The following ZBTB40 variants were observed in gnomAD, a reference collection of about 807,000 sequenced individuals.
The protein encoded by ZBTB40 is zinc finger and BTB domain-containing protein 40.
Under a neutral mutation model 117.5 loss-of-function variants are expected in ZBTB40, and 60 were observed. The observed-to-expected ratio is 0.51, with a 90% CI of 0.41 to 0.63. ZBTB40 has a LOEUF of 0.63. ZBTB40 is among the 30% of genes least tolerant of loss of function. ZBTB40 has a pLI of 0.00. For missense variants in ZBTB40, 1,287 were observed against 1,498.5 expected (o/e 0.86, Z 2.33); for synonymous variants, 525 against 577.1 (o/e 0.91, Z 1.29).
In ZBTB40 at chr1:22,520,081, T is replaced by A. The variant is rs1303614760; in HGVS notation, c.2854T>A (p.Cys952Ser). Reference sequence around the variant, plus strand: ...ACTAGACATAGAAGATCCTTATGACTGCAAGAAGTGCAGGATGAGTTTCCC... The same window carrying A: ...ACTAGACATAGAAGATCCTTATGACAGCAAGAAGTGCAGGATGAGTTTCCC... Reference protein sequence around the residue: ...TFHNIEDPYDCKKCRMSFPTL... With the variant: ...TFHNIEDPYDSKKCRMSFPTL... Residue 952 changes from cysteine (C) to serine (S), a missense_variant, in exon 14 of 18, where the codon TGC (cysteine) becomes AGC (serine). Transcript: ENST00000375647. 1 of 1,614,230 alleles carries A rather than the reference T, an allele frequency of 6.2e-7. No homozygotes were observed. Among genetic ancestry groups the A allele is most frequent in the Non-Finnish European group, 8.5e-7 (1 of 1,180,036 alleles).
Position 22,451,995 on chromosome 1 carries a change from T to G in ZBTB40, c.-79T>G, listed in dbSNP as rs763057000. 3 of 152,990 alleles carry G rather than the reference T, an allele frequency of 2.0e-5. No homozygotes were observed. The highest frequency in any genetic ancestry group is 2.0e-4 in the Admixed American group (3 of 15,308). The allele number at this position is 152,990 out of a possible 1,614,324, so 9.5% of individuals were successfully genotyped here. On this transcript the variant is annotated 5_prime_UTR_variant, in exon 1 of 18. Coordinates refer to ENST00000375647, the MANE Select transcript of ZBTB40 (RefSeq NM_014870.4). ...AATAAAGAACGGCAGTTTGAATCGGTGCTGAACAGGTAACCATAGAAACGG... is the reference window on the plus strand; with the variant it reads ...AATAAAGAACGGCAGTTTGAATCGGGGCTGAACAGGTAACCATAGAAACGG...
intron 1 of ZBTB40, among the ~76,000 whole-genome samples, chr1:22,434,287 A>T (rs778519045): frequency 2.6e-4 from 39 of 152,098 alleles, no homozygotes; most frequent in Non-Finnish European, 5.1e-4. Context: ...CATTTTTCTA[A>T]GATTTTGAAG....
intron 2 of ZBTB40, 152 bp from the exon 3 acceptor site, chr1:22,491,248 G>T: frequency 1.3e-6 from 1 of 770,828 alleles, no homozygotes; most frequent in Non-Finnish European, 2.1e-6. Context: ...GAAGCTGTGA[G>T]AGATACTGTT....
At chr1:22,461,433 C>T (rs1296710819) in intron 1 of ZBTB40, among the ~76,000 whole-genome samples, 1 of 151,650 alleles carries the variant, frequency 6.6e-6, no homozygotes, top group Admixed American at 6.6e-5. Context: ...TAGGCTCTTT[C>T]CCAACATTAA....
chr1:22,472,886 T>C (rs189702584), intron 1 of ZBTB40, among the ~76,000 whole-genome samples: 21 of 152,304 alleles, frequency 1.4e-4, no homozygotes, highest in African/African-American at 5.1e-4. Flanking sequence ...CTGGAATGCA[T>C]TCCAAAAGAG....
At chr1:22,430,856 A>G (rs1167992320) in intron 1 of ZBTB40, among the ~76,000 whole-genome samples, 2 of 151,986 alleles carry the variant, frequency 1.3e-5, no homozygotes, top group African/African-American at 4.8e-5. Flanking sequence ...CTTTTTTGTT[A>G]TTAGTTCCCA....
At position 22,513,046 on chromosome 1, in the gene ZBTB40, C is replaced by T. The variant is rs1233488955; in HGVS notation, c.2584C>T (p.Arg862Cys). The change falls in exon 12 of 18, where the codon CGC (arginine) becomes TGC (cysteine). Residue 862 changes from arginine to cysteine, a missense_variant. This residue lies in a region of ZBTB40 where 417 missense variants were observed against 564.1 expected (regional missense o/e 0.74). Coordinates refer to ENST00000375647, the MANE Select transcript of ZBTB40 (RefSeq NM_014870.4). This position sits in a 1 kb window ranked among gnomAD's most constrained non-coding sequence, Gnocchi z 4.9. ...KNHLRLHTGD[R>C]PFMCKHCLMT... is the part of the protein sequence containing the mutation. ...CCACCTTCGCCTTCACACCGGGGAC[C>T]GCCCGTTCATGTGCAAGCACTGCCT... 1.1e-5 allele frequency: 17 copies of T among 1,614,172 alleles called. No individual in the cohort carries two copies. Among genetic ancestry groups the T allele is most frequent in the East Asian group, 2.2e-5 (1 of 44,876 alleles).
chr1:22,456,929 C>T (rs1641017782), intron 1 of ZBTB40, among the ~76,000 whole-genome samples: 2 of 152,206 alleles, frequency 1.3e-5, no homozygotes, highest in Non-Finnish European at 2.9e-5. Flanking sequence ...GCATCAGCTT[C>T]TTGCAGATGG....
At chr1:22,506,301 A>T (rs1193520234) in intron 6 of ZBTB40, 60 bp downstream of exon 6, 4 of 1,563,328 alleles carry the variant, frequency 2.6e-6, no homozygotes, top group Admixed American at 1.7e-5. Context: ...TTGTAGCTTG[A>T]AACACCCTTT....
At chr1:22,522,320 C>G in intron 15 of ZBTB40, 57 bp from the exon 16 acceptor site, 1 of 1,574,130 alleles carries the variant, frequency 6.4e-7, no homozygotes, top group African/African-American at 1.3e-5. Context: ...ACTCTTCAGC[C>G]TTGGAGAGCC....
chr1:22,477,227 C>CT lies in ZBTB40; in HGVS notation c.-69-12652dup, dbSNP rs142850718. Among the ~76,000 whole-genome samples, 873 of 152,172 alleles carry CT rather than the reference C, an allele frequency of 5.7e-3. 6 individuals are homozygous for CT. The highest frequency in any genetic ancestry group is 0.02 in the African/African-American group (843 of 41,514). ...GTTTATTTACAGATAAATACTTAAG[C>CT]TATCAAGTCAGATGGCTAGTTTCAA... On this transcript the variant is annotated intron_variant, in intron 1 of 17. Coordinates refer to ENST00000375647, the MANE Select transcript of ZBTB40 (RefSeq NM_014870.4).
At chr1:22,523,539 C>T (rs74833720) in intron 16 of ZBTB40, among the ~76,000 whole-genome samples, 4,336 of 152,268 alleles carry the variant, frequency 0.028, 98 homozygotes, top group East Asian at 0.14. Context: ...GATGATGGAA[C>T]GCATAATATA....
chr1:22,438,963 G>A (rs1399387340), intron 1 of ZBTB40, among the ~76,000 whole-genome samples: 3 of 152,110 alleles, frequency 2.0e-5, no homozygotes, highest in Admixed American at 6.5e-5. Context: ...CGCCTCCCAG[G>A]TTCAAGTGCT....
intron 1 of ZBTB40, among the ~76,000 whole-genome samples, chr1:22,488,426 G>A (rs1051358515): frequency 6.6e-6 from 1 of 152,162 alleles, no homozygotes; most frequent in African/African-American, 2.4e-5. Context: ...GAAAAAACAT[G>A]GTCAGGAAAG....
intron 1 of ZBTB40, among the ~76,000 whole-genome samples, chr1:22,489,461 G>A (rs150682844): frequency 6.6e-4 from 101 of 152,296 alleles, no homozygotes; most frequent in African/African-American, 2.4e-3. Flanking sequence ...GTAAGTCTCC[G>A]TCTACATATT....
intron 1 of ZBTB40, among the ~76,000 whole-genome samples, chr1:22,440,504 T>C (rs1240580263): frequency 6.6e-6 from 1 of 152,218 alleles, no homozygotes; most frequent in African/African-American, 2.4e-5. Context: ...AAACTTCTAA[T>C]ACTATTTTGA....
At chr1:22,429,745 C>A (rs1206525709) in intron 1 of ZBTB40, among the ~76,000 whole-genome samples, 1 of 152,172 alleles carries the variant, frequency 6.6e-6, no homozygotes, top group East Asian at 1.9e-4. Flanking sequence ...GTAATCCCAG[C>A]ACTTTGGGAG....
chr1:22,461,571 AG>A (rs1484256966), intron 1 of ZBTB40, among the ~76,000 whole-genome samples: 4 of 152,176 alleles, frequency 2.6e-5, no homozygotes, highest in Non-Finnish European at 5.9e-5. Context: ...CAAAGACAAA[AG>A]AAAAAGCTTA....
chr1:22,493,629 C>G (rs1338061705), intron 3 of ZBTB40, among the ~76,000 whole-genome samples: 2 of 152,152 alleles, frequency 1.3e-5, no homozygotes, highest in East Asian at 1.9e-4. Context: ...TGTACTACCC[C>G]TCTCTCCTGC....
Sources: allele counts gnomAD v4.1 joint callset (sites outside exome capture counted in the v4.1 genomes callset), GRCh38; gene constraint gnomAD v4.1.1; regional missense constraint gnomAD v4.1.1; non-coding constraint Gnocchi (gnomAD v3.1); transcripts MANE v1.5; gene names NCBI Gene and HGNC (gene_info 2026-07-23, HGNC 2026-07-21).